Variants in ENOX1 observed in about 807,000 individuals in gnomAD.
The protein encoded by ENOX1 is candidate growth-related and time keeping constitutive hydroquinone (NADH) oxidase.
ENOX1 carries 42 observed loss-of-function variants against 82.5 expected under a neutral mutation model. The ratio of observed to expected loss-of-function variants is 0.51; its 90% CI spans 0.40 to 0.66. ENOX1 has a LOEUF of 0.66. Ranked by LOEUF, ENOX1 falls within the 30% of genes least tolerant of loss-of-function variation. The pLI is 0.00. For synonymous variants in ENOX1, 271 were observed against 282.2 expected (o/e 0.96, Z 0.40); for missense variants, 608 against 811.6 (o/e 0.75, Z 3.05).
intron 2 of ENOX1, among the ~76,000 whole-genome samples, chr13:43,584,092 A>G (rs1441939305): frequency 6.6e-6 from 1 of 152,228 alleles, no homozygotes; most frequent in African/African-American, 2.4e-5. Flanking sequence ...AGCAGCATGA[A>G]CTGCACTCAA....
chr13:43,288,686 G>A (rs74771578), intron 12 of ENOX1, among the ~76,000 whole-genome samples: 2,154 of 152,254 alleles, frequency 0.014, 23 homozygotes, highest in Non-Finnish European at 0.021. Flanking sequence ...CCAATAACCA[G>A]ATCATTGTGT....
intron 1 of ENOX1, among the ~76,000 whole-genome samples, chr13:43,686,622 C>T (rs2086091230): frequency 6.6e-6 from 1 of 152,198 alleles, no homozygotes; most frequent in Non-Finnish European, 1.5e-5. Context: ...CTCACATAGA[C>T]TCTGAGACCT....
At chr13:43,591,011 C>T (rs1228474580) in intron 2 of ENOX1, among the ~76,000 whole-genome samples, 1 of 152,046 alleles carries the variant, frequency 6.6e-6, no homozygotes, top group Non-Finnish European at 1.5e-5. Context: ...CAAATGTTGA[C>T]AAGAGCACAG....
intron 2 of ENOX1, among the ~76,000 whole-genome samples, chr13:43,632,840 C>T (rs1391690804): frequency 6.6e-6 from 1 of 152,090 alleles, no homozygotes; most frequent in Non-Finnish European, 1.5e-5. Flanking sequence ...TTTGATTCAA[C>T]TTTTATCATA....
Position 43,690,429 on chromosome 13 carries a change from T to C in ENOX1, c.-284-22885A>G, listed in dbSNP as rs147204693. Among the ~76,000 whole-genome samples the C allele has an allele frequency of 5.1e-3, 777 of 152,176 alleles. 9 individuals are homozygous for C. Among genetic ancestry groups the C allele is most frequent in the African/African-American group, 0.018 (731 of 41,532 alleles). On this transcript the variant is annotated intron_variant, in intron 1 of 16. Coordinates refer to ENST00000690772, the MANE Select transcript of ENOX1 (RefSeq NM_001347969.2). ...ACACCATGGTGTTCAATAAATATAA[T>C]TGAGGATGGTGACAATGCTACCCAT...
At chr13:43,310,097 G>A (rs1374419388) in intron 11 of ENOX1, among the ~76,000 whole-genome samples, 2 of 125,920 alleles carry the variant, frequency 1.6e-5, no homozygotes, top group Non-Finnish European at 3.4e-5. Flanking sequence ...TAGCTGCTTG[G>A]GAGGCTGAGG....
intron 2 of ENOX1, among the ~76,000 whole-genome samples, chr13:43,647,149 T>C (rs996426862): frequency 1.1e-4 from 16 of 152,152 alleles, no homozygotes; most frequent in African/African-American, 3.4e-4. Flanking sequence ...AAGAGCTAGA[T>C]TGCCTGAGAT....
chr13:43,326,176 T>G (rs1385055868), intron 10 of ENOX1, among the ~76,000 whole-genome samples: 1 of 152,224 alleles, frequency 6.6e-6, no homozygotes, highest in Non-Finnish European at 1.5e-5. Context: ...AAATCTTTAC[T>G]ATGAATGGGA....
intron 5 of ENOX1, among the ~76,000 whole-genome samples, chr13:43,373,046 G>C (rs1270557176): frequency 5.3e-5 from 8 of 152,160 alleles, no homozygotes; most frequent in Non-Finnish European, 7.4e-5. Context: ...ACCTGGTACA[G>C]AGTAAGCACT....
intron 2 of ENOX1, among the ~76,000 whole-genome samples, chr13:43,622,486 G>C (rs2082780015): frequency 6.6e-6 from 1 of 152,154 alleles, no homozygotes; most frequent in African/African-American, 2.4e-5. Flanking sequence ...GTGGCTTCCT[G>C]TGAGCCAAAC....
At position 43,214,099 on chromosome 13, in the gene ENOX1, A is replaced by G. The variant is rs1181178302; in HGVS notation, c.1823T>C (p.Met608Thr). The part of the protein sequence containing the change: ...DSKISANEIE[M>T]LLMRLPRMFK... Reference sequence around the variant, plus strand: ...CATGCGTGGCAGCCTCATCAAAAGCATTTCTATTTCATTTGCAGATATCTG... The same window carrying G: ...CATGCGTGGCAGCCTCATCAAAAGCGTTTCTATTTCATTTGCAGATATCTG... The change falls in exon 17 of 17, where the codon ATG (methionine) becomes ACG (threonine). Residue 608 changes from methionine to threonine, a missense_variant. Transcript: ENST00000690772. 2 of 1,612,876 alleles carry G rather than the reference A, an allele frequency of 1.2e-6. No homozygotes were observed. The highest frequency in any genetic ancestry group is 1.7e-6 in the Non-Finnish European group (2 of 1,179,452).
At chr13:43,668,078 A>C (rs951136796) in intron 1 of ENOX1, among the ~76,000 whole-genome samples, 1 of 152,200 alleles carries the variant, frequency 6.6e-6, no homozygotes, top group Non-Finnish European at 1.5e-5. Flanking sequence ...CAAACTATAA[A>C]GTGCACCTAG....
intron 1 of ENOX1, among the ~76,000 whole-genome samples, chr13:43,678,748 G>A (rs946639219): frequency 2.6e-5 from 4 of 152,012 alleles, no homozygotes; most frequent in Non-Finnish European, 4.4e-5. Context: ...TCACACACTC[G>A]ATACACTGCC....
At chr13:43,344,421 A>G (rs778861691) in intron 9 of ENOX1, 117 bp downstream of exon 9, 103 of 821,880 alleles carry the variant, frequency 1.3e-4, no homozygotes, top group Non-Finnish European at 1.9e-4. Flanking sequence ...TTGCCATTCA[A>G]TATGGAGTAA....
chr13:43,496,434 G>A (rs999762454), intron 2 of ENOX1, among the ~76,000 whole-genome samples: 1 of 151,754 alleles, frequency 6.6e-6, no homozygotes, highest in Non-Finnish European at 1.5e-5. Flanking sequence ...TGCCCAGGCT[G>A]GAGTGCAGTG....
At chr13:43,694,152 G>C (rs890538591) in intron 1 of ENOX1, among the ~76,000 whole-genome samples, 2 of 151,662 alleles carry the variant, frequency 1.3e-5, no homozygotes, top group Admixed American at 1.3e-4. Flanking sequence ...AATGCACCAA[G>C]CCTGCTCAAT....
chr13:43,224,681 G>A (rs190413842), intron 15 of ENOX1, among the ~76,000 whole-genome samples: 3 of 152,234 alleles, frequency 2.0e-5, no homozygotes, highest in Non-Finnish European at 4.4e-5. Context: ...TCTGGTTGTC[G>A]CTCTTGTTTA....
At chr13:43,654,153 C>G (rs2084321216) in intron 2 of ENOX1, among the ~76,000 whole-genome samples, 1 of 152,186 alleles carries the variant, frequency 6.6e-6, no homozygotes, top group South Asian at 2.1e-4. Context: ...AGGAGGTTAC[C>G]CTTGATCATG....
chr13:43,654,574 C>T (rs1342881677), intron 2 of ENOX1, among the ~76,000 whole-genome samples: 1 of 152,164 alleles, frequency 6.6e-6, no homozygotes, highest in Non-Finnish European at 1.5e-5. Flanking sequence ...ATCTTGATTG[C>T]AATGTAAAAA....
Sources: allele counts gnomAD v4.1 joint callset (sites outside exome capture counted in the v4.1 genomes callset), GRCh38; gene constraint gnomAD v4.1.1; transcripts MANE v1.5; gene names NCBI Gene and HGNC (gene_info 2026-07-23, HGNC 2026-07-21).